C4orf50: variants seen among roughly 807,000 people sequenced by gnomAD.
The protein encoded by C4orf50 is uncharacterized protein C4orf50.
A neutral mutation model predicts 77.2 loss-of-function variants in C4orf50; 80 were observed. The observed-to-expected ratio is 1.04, with a 90% CI of 0.87 to 1.25. The LOEUF is 1.25. C4orf50 is among the 50% of genes most tolerant of loss of function. The pLI is 0.00. For missense variants in C4orf50, 1,257 were observed against 1,152.9 expected, an observed-to-expected ratio of 1.09 and a Z score of -1.31; for synonymous variants, 532 against 465.3, an observed-to-expected ratio of 1.14 and a Z score of -1.84.
intron 7 of C4orf50, among the ~76,000 whole-genome samples, chr4:5,930,882 T>G (rs1237828368): frequency 6.6e-6 from 1 of 152,066 alleles, no homozygotes; most frequent in African/African-American, 2.4e-5. Context: ...TTGAAAGACA[T>G]AAGTGGAAGA....
chr4:5,906,355 G>C (rs905456904), intron 7 of C4orf50, among the ~76,000 whole-genome samples: 12 of 152,074 alleles, frequency 7.9e-5, no homozygotes, highest in Non-Finnish European at 2.9e-5. Flanking sequence ...CAGTCTTGGA[G>C]ACAAACAGGA....
At position 6,011,813 on chromosome 4, in the gene C4orf50, G is replaced by A; in HGVS notation, c.426+17C>T. 1 of 399,156 alleles carries A rather than the reference G, an allele frequency of 2.5e-6. No homozygotes were observed. The highest frequency in any genetic ancestry group is 4.4e-6 in the Non-Finnish European group (1 of 226,152). The allele number at this position is 399,156 out of a possible 1,614,324, so 24.7% of individuals were successfully genotyped here. A position where few individuals can be genotyped will look rare whatever the true frequency, so the allele number is the denominator to read the frequency against. ...CTGGACAGGAAACAGGGCCTGGAAA[G>A]GAGAAGGAAACGGTACCTGGCTGGC... is the stretch of plus-strand genomic sequence containing the variant. On this transcript the variant is annotated intron_variant, in intron 24 of 33. Coordinates refer to ENST00000531445, the Ensembl canonical transcript of C4orf50. This position sits in a 1 kb window ranked among gnomAD's most constrained non-coding sequence, Gnocchi z 4.2.
intron 7 of C4orf50, among the ~76,000 whole-genome samples, chr4:5,910,986 A>G (rs1291110515): frequency 6.9e-6 from 1 of 145,578 alleles, no homozygotes; most frequent in African/African-American, 2.5e-5. Flanking sequence ...GCTCACTGCA[A>G]GCTCCGCCTC....
chr4:6,000,012 C>T lies in C4orf50; in HGVS notation c.964-5536G>A, dbSNP rs1721760884. Among the ~76,000 whole-genome samples, 1 of 152,058 alleles carries T rather than the reference C, an allele frequency of 6.6e-6. No homozygotes were observed. The highest frequency in any genetic ancestry group is 2.4e-5 in the African/African-American group (1 of 41,404). On this transcript the variant is annotated intron_variant, in intron 25 of 33. Transcript: ENST00000531445. The surrounding 1 kb of genome is among the most constrained non-coding windows in gnomAD (Gnocchi z 6.0). Reference sequence around the variant, plus strand: ...GCAGAACACCGGGGGCCTTGAATGCCGTGGATAGGAGGTTGAACTTGATCC... The same window carrying T: ...GCAGAACACCGGGGGCCTTGAATGCTGTGGATAGGAGGTTGAACTTGATCC...
Position 5,982,835 on chromosome 4 carries a change from A to G in C4orf50, c.3700-2497T>C, listed in dbSNP as rs1042717413. Among the ~76,000 whole-genome samples, 7 of 152,188 alleles carry G rather than the reference A, an allele frequency of 4.6e-5. No individual in the cohort carries two copies. In the South Asian group the frequency reaches 8.3e-4, roughly 18 times the overall value. ...GGAGAGGCCCCCCAGCAGGAGACCTAGAGGAGAAAGCTGGGTGCAGGGAGA... is the reference window on the plus strand; with the variant it reads ...GGAGAGGCCCCCCAGCAGGAGACCTGGAGGAGAAAGCTGGGTGCAGGGAGA... On this transcript the variant is annotated intron_variant, in intron 28 of 33. Transcript: ENST00000531445.
At position 5,932,484 on chromosome 4, in the gene C4orf50, G is replaced by A. The variant is rs1717810379; in HGVS notation, c.*2474+24417C>T. Among the ~76,000 whole-genome samples the A allele has an allele frequency of 1.3e-5, 2 of 152,168 alleles. No homozygotes were observed. Among genetic ancestry groups the A allele is most frequent in the African/African-American group, 4.8e-5 (2 of 41,440 alleles). On this transcript the variant is annotated intron_variant, in intron 7 of 7. Transcript: ENST00000324058. The surrounding 1 kb of genome is among the most constrained non-coding windows in gnomAD (Gnocchi z 4.2). The stretch of plus-strand genomic sequence containing the variant: ...TGTTTGTTTGTTTTGGAGCCTGGCT[G>A]GAGTGCCGTGGCTCCATCACAGTTC...
At position 6,017,332 on chromosome 4, in the gene C4orf50, C is replaced by G. The variant is rs1440705409; in HGVS notation, c.287+813G>C. Among the ~76,000 whole-genome samples, 2 of 152,168 alleles carry G rather than the reference C, an allele frequency of 1.3e-5. No individual in the cohort carries two copies. The highest frequency in any genetic ancestry group is 4.8e-5 in the African/African-American group (2 of 41,430). On this transcript the variant is annotated intron_variant, in intron 23 of 33. Transcript: ENST00000531445. This position sits in a 1 kb window ranked among gnomAD's most constrained non-coding sequence, Gnocchi z 4.7. Reference sequence around the variant, plus strand: ...AGGGCAGAGCAGCCAGGCCACCCAGCGGGAGCTGGGACCGCAGAGGAAGCC... The same window carrying G: ...AGGGCAGAGCAGCCAGGCCACCCAGGGGGAGCTGGGACCGCAGAGGAAGCC...
intron 25 of C4orf50, among the ~76,000 whole-genome samples, chr4:6,004,307 G>A (rs1388253972): frequency 1.3e-4 from 4 of 31,596 alleles, no homozygotes; most frequent in South Asian, 1.6e-3. Flanking sequence ...GGTGATGGTG[G>A]TGATGATGTG....
chr4:6,006,653 C>T (rs1722263697), intron 25 of C4orf50, among the ~76,000 whole-genome samples: 1 of 152,184 alleles, frequency 6.6e-6, no homozygotes, highest in Admixed American at 6.5e-5. Context: ...TTTTACCCTC[C>T]CCTCAATCAA....
intron 7 of C4orf50, among the ~76,000 whole-genome samples, chr4:5,930,978 C>T (rs909708465): frequency 2.0e-5 from 3 of 152,142 alleles, no homozygotes; most frequent in African/African-American, 4.8e-5. Context: ...AGTGCACAAA[C>T]GCCTCGTGCA....
chr4:5,940,865 T>C (rs2108750712), intron 7 of C4orf50, among the ~76,000 whole-genome samples: 1 of 152,296 alleles, frequency 6.6e-6, no homozygotes, highest in Non-Finnish European at 1.5e-5. Context: ...TTCTGGAGGC[T>C]GAGAGGATAC....
At chr4:5,956,184 T>C (rs1046648062), downstream of C4orf50, among the ~76,000 whole-genome samples, 22 of 152,228 alleles carry the variant, frequency 1.4e-4, no homozygotes, top group African/African-American at 5.3e-4. Context: ...AACCTTCCAC[T>C]CCAGGATTAC....
At chr4:6,013,132 A>G (rs1722551948) in intron 23 of C4orf50, among the ~76,000 whole-genome samples, 1 of 152,204 alleles carries the variant, frequency 6.6e-6, no homozygotes, top group Admixed American at 6.5e-5. Flanking sequence ...GGTTTTCATG[A>G]AGATTAAATT....
At chr4:5,961,321 A>C (rs1166060176) in intron 33 of C4orf50, among the ~76,000 whole-genome samples, 1 of 152,236 alleles carries the variant, frequency 6.6e-6, no homozygotes, top group Non-Finnish European at 1.5e-5. Context: ...TCTCAAAAAC[A>C]ACAACTATAA....
At chr4:5,997,553 T>C (rs562886729) in intron 25 of C4orf50, among the ~76,000 whole-genome samples, 1 of 152,222 alleles carries the variant, frequency 6.6e-6, no homozygotes, top group Middle Eastern at 3.2e-3. Context: ...TGGAACTTTC[T>C]GCCTCCCTGC....
chr4:5,923,346 A>G (rs149923071), intron 7 of C4orf50: 1 of 154,440 alleles, frequency 6.5e-6, no homozygotes, highest in Non-Finnish European at 1.5e-5. Flanking sequence ...ATGAGCCCTG[A>G]GTGTGAACTC....
At chr4:5,918,623 A>G (rs949009844) in intron 7 of C4orf50, among the ~76,000 whole-genome samples, 2 of 152,214 alleles carry the variant, frequency 1.3e-5, no homozygotes, top group African/African-American at 4.8e-5. Flanking sequence ...TCTAAGGGAA[A>G]TGAGAGAGCA....
At position 6,018,096 on chromosome 4, in the gene C4orf50, C is replaced by T. The variant is rs1008302623; in HGVS notation, c.287+49G>A. On this transcript the variant is annotated intron_variant, in intron 23 of 33. Coordinates refer to ENST00000531445, the Ensembl canonical transcript of C4orf50. The surrounding 1 kb of genome is among the most constrained non-coding windows in gnomAD (Gnocchi z 5.1). ...ACACCATGGTGACACACTCTGATGG[C>T]CCCGCGGTTTGTGAAATACACACAG... 2.0e-5 allele frequency: 8 copies of T among 397,962 alleles called. No individual in the cohort carries two copies. The highest frequency in any genetic ancestry group is 1.2e-4 in the African/African-American group (6 of 48,624). The allele number at this position is 397,962 out of a possible 1,614,324, so 24.7% of individuals were successfully genotyped here.
At chr4:5,940,702 C>G (rs1718225460) in intron 7 of C4orf50, among the ~76,000 whole-genome samples, 1 of 152,242 alleles carries the variant, frequency 6.6e-6, no homozygotes, top group East Asian at 1.9e-4. Flanking sequence ...TCTCCACACC[C>G]TGGACTGGCC....
Sources: allele counts gnomAD v4.1 joint callset (sites outside exome capture counted in the v4.1 genomes callset), GRCh38; gene constraint gnomAD v4.1.1; non-coding constraint Gnocchi (gnomAD v3.1); transcripts MANE v1.5; gene names NCBI Gene and HGNC (gene_info 2026-07-23, HGNC 2026-07-21).